Variants in GNB1 observed in about 807,000 individuals in gnomAD.
The protein encoded by GNB1 is G protein subunit beta 1.
Under a neutral mutation model 42.9 loss-of-function variants are expected in GNB1, and 2 were observed. The ratio of observed to expected loss-of-function variants is 0.05; its 90% CI spans 0.02 to 0.15. The LOEUF (loss-of-function observed/expected upper bound fraction) is 0.15. Among genes scored for constraint, GNB1 ranks in the 10% least tolerant of loss-of-function variants. The pLI, the probability that GNB1 is intolerant of heterozygous loss-of-function variation, is 1.00. For synonymous variants in GNB1, 183 were observed against 174.7 expected (o/e 1.05, Z -0.38); for missense variants, 193 against 462.2 (o/e 0.42, Z 5.34).
intron 1 of GNB1, among the ~76,000 whole-genome samples, chr1:1,880,258 T>C (rs934587583): frequency 6.6e-6 from 1 of 152,202 alleles, no homozygotes; most frequent in Admixed American, 6.5e-5. Context: ...ATAGAATTTT[T>C]ATTTTATTTT....
rs186205676 is a variant in GNB1 at position 1,834,762 on chromosome 1, G to A, written c.-47+4428C>T. Among the ~76,000 whole-genome samples the A allele has an allele frequency of 1.3e-3, 185 of 147,688 alleles. 1 individual carries two copies. The East Asian group carries it at 0.015, about 12-fold the overall frequency. ...CGGCTCAGTGCAACCTCCGCCTCCC[G>A]GGTTCATGCCATTCTCCTGCCTCAG... On this transcript the variant is annotated intron_variant, in intron 2 of 11. Coordinates refer to ENST00000378609, the MANE Select transcript of GNB1 (RefSeq NM_002074.5).
intron 1 of GNB1, among the ~76,000 whole-genome samples, chr1:1,866,789 C>A (rs1386673253): frequency 6.7e-6 from 1 of 150,146 alleles, no homozygotes; most frequent in Admixed American, 6.7e-5. Context: ...CCCGTTTCTA[C>A]TAAAAATACA....
At chr1:1,799,225 AC>A (rs1646591209) in intron 7 of GNB1, among the ~76,000 whole-genome samples, 1 of 152,104 alleles carries the variant, frequency 6.6e-6, no homozygotes, top group South Asian at 2.1e-4. Flanking sequence ...CAGCCCACAA[AC>A]ACTCTTAAGA....
At chr1:1,862,406 A>G (rs1487119029) in intron 1 of GNB1, among the ~76,000 whole-genome samples, 1 of 152,046 alleles carries the variant, frequency 6.6e-6, no homozygotes, top group Non-Finnish European at 1.5e-5. Context: ...TTCTCCCCAC[A>G]CTGAGTGAGA....
At position 1,865,731 on chromosome 1, in the gene GNB1, C is replaced by G. The variant is rs137879837; in HGVS notation, c.-96+25089G>C. Among the ~76,000 whole-genome samples the G allele has an allele frequency of 1.8e-4, 27 of 152,266 alleles. No individual in the cohort carries two copies. In the East Asian group the frequency reaches 5.0e-3, roughly 28 times the overall value. ...CTAAAAAGGCAGATTTAAACAAATT[C>G]CTGTAATGTGCTCATTTCAGTCATG... On this transcript the variant is annotated intron_variant, in intron 1 of 11. Coordinates refer to ENST00000378609, the MANE Select transcript of GNB1 (RefSeq NM_002074.5).
At position 1,830,353 on chromosome 1, in the gene GNB1, C is replaced by T. The variant is rs368407689; in HGVS notation, c.-46-4854G>A. ...TCAGCTCACTGCAAGCTCCACCTCCCGGGTTCACGCCACTCTCCTGCCTCA... is the reference window on the plus strand; with the variant it reads ...TCAGCTCACTGCAAGCTCCACCTCCTGGGTTCACGCCACTCTCCTGCCTCA... On this transcript the variant is annotated intron_variant, in intron 2 of 11. Transcript: ENST00000378609. 2.2e-4 allele frequency among the ~76,000 whole-genome samples: 33 copies of T among 151,898 alleles called. 1 individual carries two copies. The highest frequency in any genetic ancestry group is 6.3e-4 in the South Asian group (3 of 4,794).
intron 1 of GNB1, among the ~76,000 whole-genome samples, chr1:1,871,483 C>T (rs1356201476): frequency 6.6e-6 from 1 of 152,082 alleles, no homozygotes; most frequent in Non-Finnish European, 1.5e-5. Flanking sequence ...CCCCATTCAC[C>T]TGACTCCTCA....
rs530087419 is a variant in GNB1, at chr1:1,795,061, T to G, written c.431-1750A>C. ...GACAGAGCTCAAAATATTAACTACGTGCCTACGAAAGTATGCGTGGTCAAA... is the reference window on the plus strand; with the variant it reads ...GACAGAGCTCAAAATATTAACTACGGGCCTACGAAAGTATGCGTGGTCAAA... On this transcript the variant is annotated intron_variant, in intron 7 of 11. Coordinates refer to ENST00000378609, the MANE Select transcript of GNB1 (RefSeq NM_002074.5). Among the ~76,000 whole-genome samples the G allele has an allele frequency of 1.1e-3, 164 of 152,326 alleles. 1 individual carries two copies. Among genetic ancestry groups the G allele is most frequent in the African/African-American group, 3.8e-3 (158 of 41,584 alleles).
chr1:1,865,329 G>T (rs1174333060), intron 1 of GNB1, among the ~76,000 whole-genome samples: 3 of 150,040 alleles, frequency 2.0e-5, no homozygotes, highest in African/African-American at 7.4e-5. Flanking sequence ...GCTCATGCCT[G>T]TAATCCCAGC....
intron 4 of GNB1, 108 bp from the exon 5 acceptor site, chr1:1,815,970 C>CA: frequency 1.4e-6 from 1 of 694,604 alleles, no homozygotes. Flanking sequence ...TACCTCTTCC[C>CA]AGCCCTTCCC....
chr1:1,859,001 C>T (rs1428694845), intron 1 of GNB1, among the ~76,000 whole-genome samples: 3 of 151,636 alleles, frequency 2.0e-5, no homozygotes, highest in Non-Finnish European at 2.9e-5. Flanking sequence ...ATACAGTTTC[C>T]TTCAATTTAT....
At chr1:1,856,057 C>G (rs1278964850) in intron 1 of GNB1, among the ~76,000 whole-genome samples, 1 of 152,242 alleles carries the variant, frequency 6.6e-6, no homozygotes, top group Non-Finnish European at 1.5e-5. Flanking sequence ...CGATCTTGCT[C>G]TGTGACCCAG....
chr1:1,878,984 A>C (rs1301117721), intron 1 of GNB1, among the ~76,000 whole-genome samples: 1 of 152,176 alleles, frequency 6.6e-6, no homozygotes, highest in African/African-American at 2.4e-5. Flanking sequence ...AGAGTCTCCC[A>C]AAGTCTGGTC....
intron 1 of GNB1, among the ~76,000 whole-genome samples, chr1:1,876,212 G>T (rs1649536756): frequency 6.6e-6 from 1 of 152,194 alleles, no homozygotes; most frequent in Non-Finnish European, 1.5e-5. Flanking sequence ...TGCTACAGCA[G>T]CCACAGGAAA....
chr1:1,847,719 T>G (rs1647747404), intron 1 of GNB1, among the ~76,000 whole-genome samples: 1 of 151,970 alleles, frequency 6.6e-6, no homozygotes. Flanking sequence ...ATGCTGCGCC[T>G]GACCTCACAG....
At chr1:1,830,926 G>C (rs1216591217) in intron 2 of GNB1, among the ~76,000 whole-genome samples, 1 of 152,178 alleles carries the variant, frequency 6.6e-6, no homozygotes, top group Non-Finnish European at 1.5e-5. Context: ...CACTTTGAGA[G>C]GCTGAGGCAG....
At position 1,887,308 on chromosome 1, in the gene GNB1, T is replaced by C. The variant is rs78543268; in HGVS notation, c.-96+3512A>G. The stretch of plus-strand genomic sequence containing the variant: ...CAATGTTATTCATTAAAGTATTAGC[T>C]ACAAAAAGTCAACTGATGGTAGATG... On this transcript the variant is annotated intron_variant, in intron 1 of 11. Coordinates refer to ENST00000378609, the MANE Select transcript of GNB1 (RefSeq NM_002074.5). Among the ~76,000 whole-genome samples, 917 of 152,322 alleles carry C rather than the reference T, an allele frequency of 6.0e-3. 6 individuals carry two copies. Among genetic ancestry groups the C allele is most frequent in the Non-Finnish European group, 0.01 (697 of 68,030 alleles).
intron 1 of GNB1, among the ~76,000 whole-genome samples, chr1:1,884,525 G>A (rs960131727): frequency 1.3e-5 from 2 of 151,712 alleles, no homozygotes; most frequent in African/African-American, 4.8e-5. Context: ...AATTTTTTAA[G>A]CTTTATTAAC....
At chr1:1,866,080 AG>A (rs1271480885) in intron 1 of GNB1, among the ~76,000 whole-genome samples, 3 of 152,106 alleles carry the variant, frequency 2.0e-5, no homozygotes, top group African/African-American at 7.2e-5. Context: ...CTGGGATTAC[AG>A]GCATGCACCA....
Sources: gnomAD v4.1 joint callset for allele counts (sites outside exome capture counted in the v4.1 genomes callset) on GRCh38, gnomAD v4.1.1 for gene constraint, MANE v1.5 for transcripts, NCBI Gene and HGNC (gene_info 2026-07-23, HGNC 2026-07-21) for gene names.